WDR19: variants seen among roughly 807,000 people sequenced by gnomAD.
WDR19 encodes WD repeat domain 19.
Under a neutral mutation model 180.0 loss-of-function variants are expected in WDR19, and 121 were observed. The observed-to-expected ratio is 0.67, with a 90% CI of 0.58 to 0.78. The LOEUF is 0.78. Ranked by LOEUF, WDR19 falls within the 30% of genes least tolerant of loss-of-function variation. The pLI is 0.00. For missense variants in WDR19, 1,450 were observed against 1,640.7 expected (o/e 0.88, Z 2.01); for synonymous variants, 497 against 540.7 (o/e 0.92, Z 1.12).
At chr4:39,243,249 G>A (rs1732154061) in intron 21 of WDR19, among the ~76,000 whole-genome samples, 2 of 152,104 alleles carry the variant, frequency 1.3e-5, no homozygotes, top group Non-Finnish European at 2.9e-5. Context: ...CTAAATTGCT[G>A]TTCAAAAGAA....
intron 4 of WDR19, among the ~76,000 whole-genome samples, chr4:39,189,998 A>C (rs1725983401): frequency 6.6e-6 from 1 of 152,234 alleles, no homozygotes; most frequent in Non-Finnish European, 1.5e-5. Flanking sequence ...AGTGGAACAG[A>C]CTAAGAAGTG....
At chr4:39,271,122 C>T (rs1316768140) in intron 31 of WDR19, among the ~76,000 whole-genome samples, 1 of 151,792 alleles carries the variant, frequency 6.6e-6, no homozygotes, top group Non-Finnish European at 1.5e-5. Flanking sequence ...GTCTCGAACT[C>T]CTGTCCTCAG....
Position 39,216,128 on chromosome 4 carries a change from A to G in WDR19, c.1167A>G (p.Glu389=). 6.3e-7 allele frequency: 1 copy of G among 1,594,080 alleles called. No individual in the cohort carries two copies. The highest frequency in any genetic ancestry group is 8.5e-7 in the Non-Finnish European group (1 of 1,169,822). ...CAATCACAGTTTCTGTTGATGTGGAACCCAACTTTGTGGCAGTAGGTCTTT... is the reference window on the plus strand; with the variant it reads ...CAATCACAGTTTCTGTTGATGTGGAGCCCAACTTTGTGGCAGTAGGTCTTT... ...ELPITVSVDV[E]PNFVAVGLYH... The change falls in exon 12 of 37, where the codon GAA becomes GAG. Residue 389 remains glutamate, a synonymous_variant. Transcript: ENST00000399820.
intron 31 of WDR19, 118 bp from the exon 32 acceptor site, chr4:39,272,862 A>T: frequency 1.3e-6 from 1 of 799,600 alleles, no homozygotes; most frequent in Non-Finnish European, 1.9e-6. Context: ...AGGAAAGTCT[A>T]CAAGGATCCC....
chr4:39,278,712 G>C lies in WDR19; in HGVS notation c.*13+49G>C, dbSNP rs140031755. 18 of 1,145,902 alleles carry C rather than the reference G, an allele frequency of 1.6e-5. No individual in the cohort carries two copies. The African/African-American group carries it at 2.3e-4, about 15-fold the overall frequency. 71.0% of individuals were successfully genotyped at this position (1,145,902 alleles called of 1,614,324 possible). On this transcript the variant is annotated intron_variant, in intron 36 of 36. Coordinates refer to ENST00000399820, the MANE Select transcript of WDR19 (RefSeq NM_025132.4). ...CCTTCTGGGCGCAAGGGCCCACAGC[G>C]TGCACGCAGCTTTTCACTGTGTATC...
At chr4:39,265,398 C>T (rs1265139539) in intron 28 of WDR19, among the ~76,000 whole-genome samples, 1 of 152,000 alleles carries the variant, frequency 6.6e-6, no homozygotes, top group Non-Finnish European at 1.5e-5. Flanking sequence ...GAGGAGGGCC[C>T]CTGGAATGAT....
chr4:39,216,097 A>C lies in WDR19; in HGVS notation c.1136A>C (p.Glu379Ala), dbSNP rs1436422193. ...TTATTACTATTTTCTTTATTATAGG[A>C]GCTACCAATCACAGTTTCTGTTGAT... ...EVTVANPVEG[E>A]LPITVSVDVE... Residue 379 changes from glutamate (E) to alanine (A), a missense_variant and splice_region_variant, in exon 12 of 37, where the codon GAG becomes GCG. Glu to Ala is a moderately radical substitution (Grantham distance 107). Transcript: ENST00000399820. The C allele has an allele frequency of 6.3e-7, 1 of 1,576,616 alleles. No homozygotes were observed. Among genetic ancestry groups the C allele is most frequent in the Admixed American group, 1.8e-5 (1 of 54,594 alleles).
At chr4:39,216,272 G>GCA (rs1729062706) in intron 12 of WDR19, 62 bp downstream of exon 12, 12 of 1,341,112 alleles carry the variant, frequency 8.9e-6, no homozygotes, top group African/African-American at 1.5e-5. Flanking sequence ...TATTTGGGAA[G>GCA]CACTGCAAGT....
chr4:39,278,495 A>C, intron 35 of WDR19, 44 bp from the exon 36 acceptor site: 1 of 1,473,700 alleles, frequency 6.8e-7, no homozygotes, highest in Non-Finnish European at 9.4e-7. Context: ...AGCTAAAGGA[A>C]TGTTATATAT....
At chr4:39,281,234 T>TAGAGAGAG (rs1189043858) in intron 36 of WDR19, among the ~76,000 whole-genome samples, 1,153 of 108,190 alleles carry the variant, frequency 0.011, 11 homozygotes, top group Middle Eastern at 0.025. Context: ...TATATATATA[T>TAGAGAGAG]ATAGAGAGAG....
chr4:39,212,544 C>T (rs1055655221), intron 9 of WDR19, among the ~76,000 whole-genome samples: 1 of 152,190 alleles, frequency 6.6e-6, no homozygotes, highest in Non-Finnish European at 1.5e-5. Context: ...GTAATTCCGG[C>T]ACTTTGGGAG....
intron 28 of WDR19, among the ~76,000 whole-genome samples, chr4:39,263,603 G>A (rs1321056683): frequency 6.6e-6 from 1 of 152,064 alleles, no homozygotes. Flanking sequence ...TCTCCCTGGG[G>A]GCAGCTGCCA....
intron 9 of WDR19, among the ~76,000 whole-genome samples, chr4:39,212,440 T>C (rs1053328132): frequency 6.6e-6 from 1 of 152,078 alleles, no homozygotes; most frequent in Admixed American, 6.6e-5. Flanking sequence ...AAAGGAAAAA[T>C]TGATAAAGTA....
chr4:39,221,585 C>A (rs796787831), intron 14 of WDR19, among the ~76,000 whole-genome samples: 4 of 152,304 alleles, frequency 2.6e-5, no homozygotes, highest in African/African-American at 9.6e-5. Context: ...CCAAGGCAGG[C>A]TGATTGCCTG....
intron 9 of WDR19, among the ~76,000 whole-genome samples, chr4:39,207,175 G>A (rs1479950211): frequency 6.6e-6 from 1 of 152,106 alleles, no homozygotes; most frequent in Non-Finnish European, 1.5e-5. Context: ...GGAAATTTTA[G>A]AACTATAAAA....
chr4:39,185,855 G>T, intron 2 of WDR19, 38 bp downstream of exon 2: 1 of 1,488,214 alleles, frequency 6.7e-7, no homozygotes, highest in Non-Finnish European at 9.1e-7. Flanking sequence ...GTGGTTGCAT[G>T]CCCATGTAAT....
chr4:39,279,211 T>C (rs1055207292), intron 36 of WDR19, among the ~76,000 whole-genome samples: 2 of 152,210 alleles, frequency 1.3e-5, no homozygotes, highest in African/African-American at 4.8e-5. Context: ...CAGGATATTC[T>C]TTTACCAAAG....
chr4:39,255,059 G>A (rs1733616176), intron 26 of WDR19, among the ~76,000 whole-genome samples: 1 of 152,118 alleles, frequency 6.6e-6, no homozygotes, highest in Non-Finnish European at 1.5e-5. Flanking sequence ...AAGATAATTA[G>A]AGAAAACAGA....
chr4:39,199,589 G>C lies in WDR19; in HGVS notation c.518G>C (p.Arg173Thr), dbSNP rs373766655. 17 of 1,609,892 alleles carry C rather than the reference G, an allele frequency of 1.1e-5. No homozygotes were observed. Among genetic ancestry groups the C allele is most frequent in the Non-Finnish European group, 1.4e-5 (17 of 1,176,652 alleles). The change falls in exon 6 of 37, where the codon AGA becomes ACA. Residue 173 changes from arginine to threonine, a missense_variant. Physicochemically the swap from Arg to Thr is moderately conservative, Grantham distance 71. Transcript: ENST00000399820. ...TVSNQEGDTI[R>T]QTQVRSEPSN... ...AGTAATCAGGAAGGTGACACGATAA[G>C]ACAGGTAATACAGTAACGTCTCTTT...
Sources: gnomAD v4.1 joint callset for allele counts (sites outside exome capture counted in the v4.1 genomes callset) on GRCh38, gnomAD v4.1.1 for gene constraint, MANE v1.5 for transcripts, NCBI Gene and HGNC (gene_info 2026-07-23, HGNC 2026-07-21) for gene names.